Variants in CFAP70 observed in about 807,000 individuals in gnomAD.
CFAP70 encodes the protein cilia- and flagella-associated protein 70.
In CFAP70, 81 loss-of-function variants were observed where a neutral mutation model predicts 137.6. The observed-to-expected ratio is 0.59, with a 90% CI of 0.49 to 0.71. The LOEUF is 0.71. Among genes scored for constraint, CFAP70 ranks in the 30% least tolerant of loss-of-function variants. The probability of loss-of-function intolerance (pLI) is 0.00; values close to 1 mark genes in which losing one functional copy is unlikely to be tolerated. For synonymous variants in CFAP70, 382 were observed against 423.6 expected, an observed-to-expected ratio of 0.90 and a Z score of 1.20; for missense variants, 976 against 1,226.7, an observed-to-expected ratio of 0.80 and a Z score of 3.05.
intron 8 of CFAP70, among the ~76,000 whole-genome samples, chr10:73,327,785 T>G (rs373698778): frequency 2.0e-5 from 3 of 152,200 alleles, no homozygotes; most frequent in Non-Finnish European, 1.5e-5. Flanking sequence ...TTACAAGGGA[T>G]GTGAAGGACC....
At chr10:73,282,190 A>G (rs1029927418) in intron 19 of CFAP70, among the ~76,000 whole-genome samples, 6 of 152,154 alleles carry the variant, frequency 3.9e-5, no homozygotes, top group Admixed American at 2.0e-4. Flanking sequence ...GGAGGAGCGG[A>G]GGGGAGGATT....
chr10:73,277,065 T>C, intron 21 of CFAP70, 175 bp downstream of exon 22: 1 of 669,234 alleles, frequency 1.5e-6, no homozygotes, highest in Non-Finnish European at 2.3e-6. Context: ...TCTGCTGCCA[T>C]GTGCAAAGAG....
At chr10:73,262,364 T>C (rs976091298) in intron 25 of CFAP70, among the ~76,000 whole-genome samples, 5 of 152,230 alleles carry the variant, frequency 3.3e-5, no homozygotes, top group African/African-American at 9.6e-5. Context: ...CTCTCCGTTA[T>C]CAGATCAGCT....
At chr10:73,361,522 A>G (rs554138833), upstream of CFAP70, among the ~76,000 whole-genome samples, 3 of 152,160 alleles carry the variant, frequency 2.0e-5, no homozygotes, top group Non-Finnish European at 4.4e-5. Flanking sequence ...CCACTTGTGT[A>G]TGGAAAAAGC....
chr10:73,273,081 G>T, intron 23 of CFAP70, 64 bp from the exon 25 acceptor site: 1 of 1,217,128 alleles, frequency 8.2e-7, no homozygotes, highest in Non-Finnish European at 1.2e-6. Flanking sequence ...TTGCTGGGAT[G>T]ATCATGGGAT....
chr10:73,336,199 A>G (rs908112646), intron 6 of CFAP70, among the ~76,000 whole-genome samples: 9 of 152,094 alleles, frequency 5.9e-5, no homozygotes, highest in Non-Finnish European at 1.0e-4. Context: ...AAATTCTTAC[A>G]TAGTTTACCT....
intron 12 of CFAP70, among the ~76,000 whole-genome samples, chr10:73,309,353 C>T (rs963580938): frequency 2.6e-5 from 4 of 151,844 alleles, no homozygotes; most frequent in South Asian, 2.1e-4. Flanking sequence ...ATGTAACATG[C>T]GTGTGTGTGT....
intron 25 of CFAP70, among the ~76,000 whole-genome samples, chr10:73,265,566 C>A (rs1395942089): frequency 1.3e-5 from 2 of 152,072 alleles, no homozygotes; most frequent in African/African-American, 4.8e-5. Flanking sequence ...AAATGAACTC[C>A]ATTTAGGTTG....
At chr10:73,269,165 C>T (rs903267553) in intron 25 of CFAP70, among the ~76,000 whole-genome samples, 4 of 152,174 alleles carry the variant, frequency 2.6e-5, no homozygotes, top group South Asian at 2.1e-4. Flanking sequence ...TAGACTGATA[C>T]GCAAGTTATT....
chr10:73,312,747 A>AT lies in CFAP70; in HGVS notation c.913-105dup, dbSNP rs1360776104. ...ATTTAGTCTTCCAAACAATTTCGAC[A>AT]TTTAATATCAGAGAGAGAGAAGGGA... is the stretch of plus-strand genomic sequence containing the variant. On this transcript the variant is annotated intron_variant, in intron 9 of 26. Coordinates refer to ENST00000310715, the Ensembl canonical transcript of CFAP70. 3.0e-6 allele frequency: 3 copies of AT among 1,012,206 alleles called. No homozygotes were observed. In the South Asian group the frequency reaches 5.3e-5, roughly 18 times the overall value. 62.7% of individuals were successfully genotyped at this position (1,012,206 alleles called of 1,614,324 possible). A position where few individuals can be genotyped will look rare whatever the true frequency, so the allele number is the denominator to read the frequency against.
chr10:73,287,888 T>TATCTATCTATCTA (rs1451858955), intron 19 of CFAP70, among the ~76,000 whole-genome samples: 13 of 151,848 alleles, frequency 8.6e-5, no homozygotes, highest in African/African-American at 3.1e-4. Context: ...TCTATCTATC[T>TATCTATCTATCTA]ATCTATCTAT....
At chr10:73,361,403 C>T (rs1282192741), upstream of CFAP70, among the ~76,000 whole-genome samples, 1 of 151,582 alleles carries the variant, frequency 6.6e-6, no homozygotes, top group Non-Finnish European at 1.5e-5. Context: ...AGTGACCCTC[C>T]CACCTCAGCC....
exon 24 of CFAP70, chr10:73,272,994 A>G (rs2046430998): frequency 1.3e-6 from 2 of 1,551,786 alleles, no homozygotes. Flanking sequence ...AGGCTTGCAT[A>G]TAGGTTTTCT....
chr10:73,325,726 A>G (rs571968290), intron 8 of CFAP70, among the ~76,000 whole-genome samples: 11 of 152,270 alleles, frequency 7.2e-5, no homozygotes, highest in Non-Finnish European at 1.5e-4. Flanking sequence ...AACAAAGATC[A>G]AAAGAGACAA....
Position 73,348,146 on chromosome 10 carries a change from C to T in CFAP70, c.349+277G>A, listed in dbSNP as rs768662789. On this transcript the variant is annotated intron_variant, in intron 4 of 26. Transcript: ENST00000310715. ...CAGGCTGAAATGTTGAGAGCTAAAA[C>T]TCTGATTACCTTAGCACTTGATCTA... 3 of 1,612,534 alleles carry T rather than the reference C, an allele frequency of 1.9e-6. No individual in the cohort carries two copies. The highest frequency in any genetic ancestry group is 1.1e-5 in the South Asian group (1 of 91,040).
chr10:73,287,528 T>C (rs1009955687), intron 19 of CFAP70, among the ~76,000 whole-genome samples: 2 of 152,220 alleles, frequency 1.3e-5, no homozygotes, highest in Non-Finnish European at 2.9e-5. Flanking sequence ...TATTTTATTA[T>C]TTATTAATGT....
chr10:73,359,907 C>A (rs983190881), upstream of CFAP70, among the ~76,000 whole-genome samples: 309 of 147,846 alleles, frequency 2.1e-3, no homozygotes, highest in Middle Eastern at 0.014. Context: ...AAAAAAAACA[C>A]ACACACACAC....
chr10:73,305,392 G>A (rs2049298790), intron 12 of CFAP70, among the ~76,000 whole-genome samples: 1 of 152,158 alleles, frequency 6.6e-6, no homozygotes, highest in Admixed American at 6.5e-5. Flanking sequence ...TGTGTGTACT[G>A]GGAAATTCAG....
chr10:73,334,955 C>A (rs1315271308), intron 7 of CFAP70, among the ~76,000 whole-genome samples: 1 of 150,886 alleles, frequency 6.6e-6, no homozygotes. Flanking sequence ...GCAATCACAG[C>A]TCACTGCAGC....
Sources: gnomAD v4.1 joint callset for allele counts (sites outside exome capture counted in the v4.1 genomes callset) on GRCh38, gnomAD v4.1.1 for gene constraint, MANE v1.5 for transcripts, NCBI Gene and HGNC (gene_info 2026-07-23, HGNC 2026-07-21) for gene names.